Variants in CDH13 observed in about 807,000 individuals in gnomAD.
CDH13 encodes cadherin 13.
CDH13 carries 24 observed loss-of-function variants against 63.8 expected under a neutral mutation model. That is an observed-to-expected ratio of 0.38 (90% confidence interval 0.27 to 0.53). The LOEUF is 0.53. Among genes scored for constraint, CDH13 ranks in the 20% least tolerant of loss-of-function variants. The probability of loss-of-function intolerance (pLI) is 0.85; values close to 1 mark genes in which losing one functional copy is unlikely to be tolerated. For synonymous variants in CDH13, 503 were observed against 355.3 expected (o/e 1.42, Z -4.67); for missense variants, 1,049 against 903.1 (o/e 1.16, Z -2.07).
intron 8 of CDH13, among the ~76,000 whole-genome samples, chr16:83,624,962 C>T (rs973156216): frequency 6.6e-6 from 1 of 152,200 alleles, no homozygotes; most frequent in African/African-American, 2.4e-5. Flanking sequence ...GAGCTGATTG[C>T]CGCATGTCTT....
chr16:83,003,592 A>T (rs1913169887), intron 2 of CDH13, among the ~76,000 whole-genome samples: 1 of 152,224 alleles, frequency 6.6e-6, no homozygotes, highest in African/African-American at 2.4e-5. Context: ...AACCTCTCAG[A>T]CTTGAATATA....
chr16:82,761,766 AGAGT>A (rs1179372137), intron 1 of CDH13, among the ~76,000 whole-genome samples: 1 of 152,236 alleles, frequency 6.6e-6, no homozygotes, highest in East Asian at 1.9e-4. Flanking sequence ...TTGAGGGCTA[AGAGT>A]GAGAATGATT....
intron 1 of CDH13, among the ~76,000 whole-genome samples, chr16:82,852,261 C>CT (rs1178620083): frequency 6.6e-6 from 1 of 152,180 alleles, no homozygotes; most frequent in Admixed American, 6.5e-5. Context: ...CTTTTCTGCC[C>CT]TTGTTCCATG....
At chr16:83,634,531 G>C (rs1301690143) in intron 8 of CDH13, among the ~76,000 whole-genome samples, 2 of 151,816 alleles carry the variant, frequency 1.3e-5, no homozygotes, top group Admixed American at 6.6e-5. Context: ...CTCCTGAATA[G>C]CTGGGACTAC....
At position 83,082,498 on chromosome 16, in the gene CDH13, T is replaced by C. The variant is rs143703610; in HGVS notation, c.367-42887T>C. Among the ~76,000 whole-genome samples the C allele has an allele frequency of 1.2e-3, 184 of 151,314 alleles. 1 individual carries two copies. Among genetic ancestry groups the C allele is most frequent in the South Asian group, 0.01 (48 of 4,770 alleles). On this transcript the variant is annotated intron_variant, in intron 3 of 13. Transcript: ENST00000567109. ...ATAAAAAAAAAATAGCCAGGTGTGG[T>C]GGTGGGTACCTGTAATCCAAACTAT...
chr16:83,516,444 C>G (rs948345668), intron 7 of CDH13, among the ~76,000 whole-genome samples: 1 of 152,120 alleles, frequency 6.6e-6, no homozygotes, highest in Non-Finnish European at 1.5e-5. Context: ...ATCAAGAAGC[C>G]AAGGATCTGA....
chr16:83,476,360 C>G (rs762218102), intron 6 of CDH13, among the ~76,000 whole-genome samples: 3 of 152,144 alleles, frequency 2.0e-5, no homozygotes, highest in Non-Finnish European at 2.9e-5. Flanking sequence ...GTAAAAAGGA[C>G]TAGGCTTGCC....
rs909846248 is a variant in CDH13 at position 83,434,995 on chromosome 16, A to G, written c.782-51482A>G. On this transcript the variant is annotated intron_variant, in intron 6 of 13. Coordinates refer to ENST00000567109, the MANE Select transcript of CDH13 (RefSeq NM_001257.5). ...TATATAAATAAATAAATATATATAT[A>G]TATGTATATATATACACACACACAT... is the stretch of plus-strand genomic sequence containing the variant. Among the ~76,000 whole-genome samples the G allele has an allele frequency of 4.7e-5, 4 of 84,996 alleles. No homozygotes were observed. In the East Asian group the frequency reaches 1.2e-3, roughly 25 times the overall value. The allele number at this position is 84,996 out of a possible 152,430, so 55.8% of individuals were successfully genotyped here.
At chr16:82,686,661 G>T (rs117074004) in intron 1 of CDH13, among the ~76,000 whole-genome samples, 2,555 of 152,274 alleles carry the variant, frequency 0.017, 40 homozygotes, top group Middle Eastern at 0.044. Context: ...TATGATTCCC[G>T]GAGATAACGT....
intron 3 of CDH13, among the ~76,000 whole-genome samples, chr16:83,089,532 C>G (rs1415820367): frequency 6.6e-6 from 1 of 152,206 alleles, no homozygotes; most frequent in Non-Finnish European, 1.5e-5. Flanking sequence ...ACCAGTGGGA[C>G]CAGACAGGAG....
At chr16:82,728,952 C>A (rs541307071) in intron 1 of CDH13, among the ~76,000 whole-genome samples, 1 of 152,294 alleles carries the variant, frequency 6.6e-6, no homozygotes, top group South Asian at 2.1e-4. Flanking sequence ...GGAATAGAAT[C>A]CATCTCAAGA....
chr16:82,704,796 G>A (rs2031347852), intron 1 of CDH13, among the ~76,000 whole-genome samples: 1 of 152,202 alleles, frequency 6.6e-6, no homozygotes, highest in Admixed American at 6.5e-5. Context: ...TTCCTGGTCT[G>A]CTAAGTGGCC....
chr16:83,081,073 G>A (rs1597294031), intron 3 of CDH13, among the ~76,000 whole-genome samples: 1 of 151,684 alleles, frequency 6.6e-6, no homozygotes, highest in Non-Finnish European at 1.5e-5. Context: ...TACAGACGGG[G>A]TTTCTCCATG....
At chr16:82,818,650 A>C (rs547674414) in intron 1 of CDH13, among the ~76,000 whole-genome samples, 16 of 152,102 alleles carry the variant, frequency 1.1e-4, no homozygotes, top group African/African-American at 3.6e-4. Context: ...CAAAAGGCCC[A>C]CTGTACCTTT....
At chr16:83,239,875 G>A (rs544619234) in intron 5 of CDH13, among the ~76,000 whole-genome samples, 74 of 152,306 alleles carry the variant, frequency 4.9e-4, no homozygotes, top group African/African-American at 1.8e-3. Context: ...GGGGGGCAGG[G>A]GAGCTGGAGG....
intron 5 of CDH13, among the ~76,000 whole-genome samples, chr16:83,320,952 G>T (rs1361135384): frequency 1.3e-5 from 2 of 152,242 alleles, no homozygotes; most frequent in South Asian, 4.1e-4. Flanking sequence ...GTCTGAATGT[G>T]AAGTCTTTGG....
intron 13 of CDH13, among the ~76,000 whole-genome samples, chr16:83,789,684 C>A (rs1361156074): frequency 6.6e-6 from 1 of 152,128 alleles, no homozygotes; most frequent in Non-Finnish European, 1.5e-5. Flanking sequence ...CTTCCTAACT[C>A]AGCCATAGTC....
chr16:83,377,152 A>C (rs1231257703), intron 6 of CDH13, among the ~76,000 whole-genome samples: 1 of 152,206 alleles, frequency 6.6e-6, no homozygotes, highest in Non-Finnish European at 1.5e-5. Flanking sequence ...ACAAAATCAT[A>C]AACACGATAA....
intron 1 of CDH13, among the ~76,000 whole-genome samples, chr16:82,675,291 A>G (rs954393457): frequency 2.0e-5 from 3 of 152,198 alleles, no homozygotes; most frequent in Non-Finnish European, 2.9e-5. Flanking sequence ...TTTTTCATAA[A>G]TTTATCTAGC....
Sources: allele counts gnomAD v4.1 joint callset (sites outside exome capture counted in the v4.1 genomes callset), GRCh38; gene constraint gnomAD v4.1.1; transcripts MANE v1.5; gene names NCBI Gene and HGNC (gene_info 2026-07-23, HGNC 2026-07-21).